Variants in MBNL1 observed in about 807,000 individuals in gnomAD.
The protein encoded by MBNL1 is muscleblind like splicing regulator 1, also known as muscleblind-like protein 1.
Under a neutral mutation model 42.2 loss-of-function variants are expected in MBNL1, and 8 were observed. That is an observed-to-expected ratio of 0.19 (90% CI 0.11 to 0.34). MBNL1 has a LOEUF of 0.34. Ranked by LOEUF, MBNL1 falls within the 10% of genes least tolerant of loss-of-function variation. The pLI is 1.00. For synonymous variants in MBNL1, 169 were observed against 173.9 expected (o/e 0.97, Z 0.22); for missense variants, 309 against 495.3 (o/e 0.62, Z 3.57).
At chr3:152,390,413 G>A (rs1448491571) in intron 2 of MBNL1, among the ~76,000 whole-genome samples, 2 of 151,990 alleles carry the variant, frequency 1.3e-5, no homozygotes, top group Admixed American at 1.3e-4. Context: ...CATGCATGGA[G>A]CTGTCATCTC....
intron 2 of MBNL1, among the ~76,000 whole-genome samples, chr3:152,361,821 G>A (rs1380386253): frequency 6.6e-6 from 1 of 152,144 alleles, no homozygotes; most frequent in Non-Finnish European, 1.5e-5. Context: ...TGATTCAAAG[G>A]TGATTACTGT....
intron 2 of MBNL1, among the ~76,000 whole-genome samples, chr3:152,365,297 A>G (rs942493720): frequency 1.2e-4 from 18 of 151,984 alleles, no homozygotes; most frequent in Non-Finnish European, 4.4e-5. Flanking sequence ...TTATCACTTG[A>G]TTATGTGAAT....
At chr3:152,342,273 A>G (rs182486880) in intron 2 of MBNL1, among the ~76,000 whole-genome samples, 17 of 152,028 alleles carry the variant, frequency 1.1e-4, no homozygotes, top group African/African-American at 4.1e-4. Flanking sequence ...TTCCAACTCA[A>G]TTTTGGGTTG....
intron 3 of MBNL1, among the ~76,000 whole-genome samples, chr3:152,419,074 AAATG>A (rs2098754841): frequency 6.6e-6 from 1 of 152,174 alleles, no homozygotes; most frequent in Non-Finnish European, 1.5e-5. Flanking sequence ...AAGTAGTAGA[AAATG>A]AATGATTTAA....
chr3:152,367,240 A>G (rs1400150693), intron 2 of MBNL1, among the ~76,000 whole-genome samples: 3 of 135,606 alleles, frequency 2.2e-5, no homozygotes, highest in African/African-American at 8.5e-5. Flanking sequence ...ATGTGTTCTC[A>G]TTGTTCAACT....
chr3:152,416,043 C>T (rs887378960), intron 3 of MBNL1, among the ~76,000 whole-genome samples: 2 of 152,114 alleles, frequency 1.3e-5, no homozygotes, highest in African/African-American at 2.4e-5. Context: ...TATGCAGTAT[C>T]GTGGGGTCAT....
intron 2 of MBNL1, among the ~76,000 whole-genome samples, chr3:152,370,668 G>T (rs926939353): frequency 6.6e-6 from 1 of 152,116 alleles, no homozygotes; most frequent in South Asian, 2.1e-4. Context: ...ACTTGCTTAT[G>T]AATTGGGTGC....
At chr3:152,270,243 G>C (rs555393148) in intron 1 of MBNL1, among the ~76,000 whole-genome samples, 1 of 152,262 alleles carries the variant, frequency 6.6e-6, no homozygotes, top group South Asian at 2.1e-4. Flanking sequence ...ACAGGCACAA[G>C]TCATAGCAGA....
intron 1 of MBNL1, among the ~76,000 whole-genome samples, chr3:152,297,911 C>T (rs2059339293): frequency 6.6e-6 from 1 of 152,118 alleles, no homozygotes; most frequent in South Asian, 2.1e-4. Flanking sequence ...ACCTCAGCCT[C>T]CCAAAGTGCG....
In MBNL1 at chr3:152,296,672, T is replaced by TTGTG. The variant is rs10564035; in HGVS notation, c.-789-2707_-789-2704dup. ...ACATAATAATTTATAGAGGCAATGA[T>TTGTG]TGTGTGTGTGTGTGTGTGTGTGTGT... On this transcript the variant is annotated intron_variant, in intron 1 of 9. Transcript: ENST00000324210. 4.0e-3 allele frequency among the ~76,000 whole-genome samples: 589 copies of TTGTG among 148,600 alleles called. 1 individual carries two copies. The highest frequency in any genetic ancestry group is 7.9e-3 in the East Asian group (40 of 5,032).
At chr3:152,374,155 A>G (rs886120112) in intron 2 of MBNL1, among the ~76,000 whole-genome samples, 1 of 152,258 alleles carries the variant, frequency 6.6e-6, no homozygotes, top group Non-Finnish European at 1.5e-5. Context: ...ATAGGGAAAT[A>G]GCCTAGCTAT....
chr3:152,300,466 C>T, intron 2 of MBNL1, 99 bp downstream of exon 2: 1 of 1,056,388 alleles, frequency 9.5e-7, no homozygotes, highest in Non-Finnish European at 1.4e-6. Flanking sequence ...TTGCTTTGTT[C>T]ATAGTTTAGT....
In MBNL1 at chr3:152,273,160, T is replaced by C. The variant is rs115696524; in HGVS notation, c.-790+4068T>C. On this transcript the variant is annotated intron_variant, in intron 1 of 9. Transcript: ENST00000324210. ...CATTAACTTTGTATATTGTTTCTGA[T>C]GAGTCATGGAGCATATTCACTAATG... Among the ~76,000 whole-genome samples, 930 of 152,286 alleles carry C rather than the reference T, an allele frequency of 6.1e-3. 6 individuals carry two copies. Among genetic ancestry groups the C allele is most frequent in the African/African-American group, 0.021 (891 of 41,542 alleles).
At chr3:152,326,315 T>TG (rs1560156019) in intron 2 of MBNL1, among the ~76,000 whole-genome samples, 1 of 152,282 alleles carries the variant, frequency 6.6e-6, no homozygotes, top group South Asian at 2.1e-4. Flanking sequence ...TATTATTATT[T>TG]GGGGGGAACA....
intron 2 of MBNL1, among the ~76,000 whole-genome samples, chr3:152,390,613 G>GCACACACACACACACACACACA (rs3220073): frequency 6.8e-5 from 10 of 147,156 alleles, no homozygotes; most frequent in Non-Finnish European, 1.0e-4. Flanking sequence ...GTATTGTTAT[G>GCACACACACACACACACACACA]CACACACACA....
At chr3:152,456,970 A>C (rs1734945921) in intron 8 of MBNL1, among the ~76,000 whole-genome samples, 1 of 152,166 alleles carries the variant, frequency 6.6e-6, no homozygotes, top group South Asian at 2.1e-4. Context: ...TACCCTGCAT[A>C]AATGTTGGAG....
At chr3:152,396,850 A>G (rs1051717119) in intron 2 of MBNL1, among the ~76,000 whole-genome samples, 2 of 152,218 alleles carry the variant, frequency 1.3e-5, no homozygotes, top group African/African-American at 4.8e-5. Flanking sequence ...AACAGTATTT[A>G]GTATAAATGA....
intron 2 of MBNL1, among the ~76,000 whole-genome samples, chr3:152,248,157 T>C (rs1246373505): frequency 1.3e-5 from 2 of 152,072 alleles, no homozygotes; most frequent in Admixed American, 6.6e-5. Flanking sequence ...CTATTTTCTT[T>C]TGCACAAGAA....
Position 152,432,882 on chromosome 3 carries a change from G to T in MBNL1, c.511G>T (p.Ala171Ser). The T allele has an allele frequency of 6.2e-7, 1 of 1,613,732 alleles. No individual in the cohort carries two copies. Among genetic ancestry groups the T allele is most frequent in the African/African-American group, 1.3e-5 (1 of 75,026 alleles). ...TGTCCCTGTACCTGCAGCTGCTGCAGCTGCTGCACAGAAATTAATGCGAAC... is the reference window on the plus strand; with the variant it reads ...TGTCCCTGTACCTGCAGCTGCTGCATCTGCTGCACAGAAATTAATGCGAAC... ...PGVPVPAAAA[A>S]AAQKLMRTDR... Residue 171 changes from alanine (A) to serine (S), a missense_variant, in exon 4 of 10, where the codon GCT becomes TCT. By Grantham distance (99) the Ala-to-Ser change is moderately conservative (BLOSUM62 1). Coordinates refer to ENST00000324210, the MANE Select transcript of MBNL1 (RefSeq NM_021038.5).
Sources: gnomAD v4.1 joint callset for allele counts (sites outside exome capture counted in the v4.1 genomes callset) on GRCh38, gnomAD v4.1.1 for gene constraint, MANE v1.5 for transcripts, NCBI Gene and HGNC (gene_info 2026-07-23, HGNC 2026-07-21) for gene names.